The following CNTN1 variants were observed in gnomAD, a reference collection of about 807,000 sequenced individuals.
The protein encoded by CNTN1 is contactin 1.
A neutral mutation model predicts 126.4 loss-of-function variants in CNTN1; 38 were observed. The observed-to-expected ratio is 0.30, with a 90% confidence interval of 0.23 to 0.39. The LOEUF is 0.39. CNTN1 is among the 10% of genes least tolerant of loss of function. CNTN1 has a pLI of 1.00. For missense variants in CNTN1, 1,009 were observed against 1,248.4 expected, an observed-to-expected ratio of 0.81 and a Z score of 2.89; for synonymous variants, 413 against 422.6, an observed-to-expected ratio of 0.98 and a Z score of 0.28.
At chr12:40,959,480 A>C (rs1433166873) in intron 15 of CNTN1, among the ~76,000 whole-genome samples, 1 of 151,988 alleles carries the variant, frequency 6.6e-6, no homozygotes, top group African/African-American at 2.4e-5. Flanking sequence ...CATATCTCCT[A>C]CTAAATGTTT....
chr12:40,838,270 C>T (rs1942140959), intron 1 of CNTN1, among the ~76,000 whole-genome samples: 1 of 152,188 alleles, frequency 6.6e-6, no homozygotes, highest in South Asian at 2.1e-4. Context: ...CAAGTGCCAT[C>T]TGTGAGCCTG....
At chr12:40,823,700 C>A (rs1027291099) in intron 1 of CNTN1, among the ~76,000 whole-genome samples, 1 of 152,078 alleles carries the variant, frequency 6.6e-6, no homozygotes, top group South Asian at 2.1e-4. Flanking sequence ...CACTTTCAAA[C>A]CCTGAGTTAT....
chr12:40,952,825 C>A (rs10879415), intron 14 of CNTN1, among the ~76,000 whole-genome samples: 18,213 of 151,952 alleles, frequency 0.12, 1,139 homozygotes, highest in Non-Finnish European at 0.12. Flanking sequence ...AAAGAAGAAA[C>A]GTTTTATTAT....
intron 17 of CNTN1, among the ~76,000 whole-genome samples, chr12:41,002,778 C>T (rs568957786): frequency 3.9e-5 from 6 of 151,990 alleles, no homozygotes; most frequent in South Asian, 4.2e-4. Flanking sequence ...AGTGTGGTCT[C>T]GATCTCCTGA....
chr12:40,947,676 G>A (rs1946478212), intron 14 of CNTN1, among the ~76,000 whole-genome samples: 1 of 150,676 alleles, frequency 6.6e-6, no homozygotes, highest in African/African-American at 2.4e-5. Context: ...TCTTTCAACT[G>A]TTTAACAACA....
chr12:41,028,710 T>C (rs1427375792), intron 22 of CNTN1, among the ~76,000 whole-genome samples: 3 of 152,196 alleles, frequency 2.0e-5, no homozygotes, highest in Non-Finnish European at 4.4e-5. Flanking sequence ...AAATAAAAAT[T>C]GAGAGACAAT....
intron 14 of CNTN1, among the ~76,000 whole-genome samples, chr12:40,957,592 A>AAAATAAATAAATAAAT (rs60750061): frequency 0.053 from 7,443 of 140,630 alleles, 232 homozygotes; most frequent in African/African-American, 0.066. Context: ...TGGTATGACA[A>AAAATAAATAAATAAAT]AAATAAATAA....
At chr12:41,000,497 T>G (rs1948329087) in intron 17 of CNTN1, among the ~76,000 whole-genome samples, 1 of 152,154 alleles carries the variant, frequency 6.6e-6, no homozygotes, top group Non-Finnish European at 1.5e-5. Flanking sequence ...GTGCTACAAA[T>G]TATTTTTTAA....
At chr12:40,721,711 C>G (rs1029560652) in intron 1 of CNTN1, among the ~76,000 whole-genome samples, 4 of 121,924 alleles carry the variant, frequency 3.3e-5, no homozygotes, top group African/African-American at 1.2e-4. Context: ...CTCCCCCCAC[C>G]CCACAACAGT....
At chr12:40,952,071 A>T (rs953638668) in intron 14 of CNTN1, among the ~76,000 whole-genome samples, 17 of 151,946 alleles carry the variant, frequency 1.1e-4, no homozygotes, top group Admixed American at 1.1e-3. Context: ...TAGCAAAAAA[A>T]TAAGTAAAAT....
rs559049438 is a variant in CNTN1 at position 40,865,388 on chromosome 12, C to A, written c.-76-42969C>A. ...TCTATTTTTGCTTTTGTTGCTGATG[C>A]TTTTTGTATCCTATGTAAGAAATTT... is the stretch of plus-strand genomic sequence containing the variant. On this transcript the variant is annotated intron_variant, in intron 1 of 23. Coordinates refer to ENST00000551295, the MANE Select transcript of CNTN1 (RefSeq NM_001843.4). 3.9e-5 allele frequency among the ~76,000 whole-genome samples: 6 copies of A among 152,092 alleles called. No individual in the cohort carries two copies. The East Asian group carries it at 1.2e-3, about 29-fold the overall frequency.
At chr12:40,824,984 C>T (rs185777740) in intron 1 of CNTN1, among the ~76,000 whole-genome samples, 3 of 152,204 alleles carry the variant, frequency 2.0e-5, no homozygotes, top group Admixed American at 1.3e-4. Flanking sequence ...TCATAGCGAC[C>T]GTGTGCATTA....
intron 1 of CNTN1, among the ~76,000 whole-genome samples, chr12:40,788,358 C>T (rs910629242): frequency 6.6e-6 from 1 of 152,116 alleles, no homozygotes; most frequent in African/African-American, 2.4e-5. Flanking sequence ...TGTAGAAGCA[C>T]CTCAGCCAGT....
intron 23 of CNTN1, among the ~76,000 whole-genome samples, chr12:41,055,612 G>A (rs1313587708): frequency 6.6e-6 from 1 of 151,998 alleles, no homozygotes. Context: ...CAGAAGTAGT[G>A]GGTTCTTATT....
chr12:40,821,719 C>T (rs1941445984), intron 1 of CNTN1, among the ~76,000 whole-genome samples: 2 of 152,058 alleles, frequency 1.3e-5, no homozygotes, highest in Non-Finnish European at 2.9e-5. Context: ...TACCTGTTCA[C>T]TATAGATATT....
rs1225080105 is a variant in CNTN1, at chr12:40,933,386, TAG to T, written c.704-73_704-72del. 6.6e-5 allele frequency: 69 copies of T among 1,041,150 alleles called. No homozygotes were observed. The East Asian group carries it at 1.6e-3, about 25-fold the overall frequency. 64.5% of individuals were successfully genotyped at this position (1,041,150 alleles called of 1,614,324 possible). The stretch of plus-strand genomic sequence containing the variant: ...CCATGTTGGAGCAGCTCTAATCCTG[TAG>T]AATTACCATGTTTAAGAATAACTAA... On this transcript the variant is annotated intron_variant, in intron 7 of 23. Coordinates refer to ENST00000551295, the MANE Select transcript of CNTN1 (RefSeq NM_001843.4).
intron 23 of CNTN1, among the ~76,000 whole-genome samples, chr12:41,057,676 G>T (rs1291678709): frequency 1.3e-5 from 2 of 152,090 alleles, no homozygotes; most frequent in East Asian, 1.9e-4. Context: ...AGAGAGGTAT[G>T]ATTGGAGTAT....
chr12:40,699,472 A>G (rs1388241581), intron 1 of CNTN1, among the ~76,000 whole-genome samples: 7 of 152,202 alleles, frequency 4.6e-5, no homozygotes, highest in Admixed American at 1.3e-4. Flanking sequence ...AGGACAGCCA[A>G]TAATTCCAAA....
At chr12:40,700,535 A>AT (rs995468490) in intron 1 of CNTN1, among the ~76,000 whole-genome samples, 2 of 152,154 alleles carry the variant, frequency 1.3e-5, no homozygotes, top group African/African-American at 4.8e-5. Flanking sequence ...CAAAATAAAA[A>AT]AAAAAATAAA....
Sources: allele counts gnomAD v4.1 joint callset (sites outside exome capture counted in the v4.1 genomes callset), GRCh38; gene constraint gnomAD v4.1.1; transcripts MANE v1.5; gene names NCBI Gene and HGNC (gene_info 2026-07-23, HGNC 2026-07-21).